The following LIPC variants were observed in gnomAD, a reference collection of about 807,000 sequenced individuals.
LIPC encodes hepatic triacylglycerol lipase.
In LIPC, 44 loss-of-function variants were observed where a neutral mutation model predicts 50.7. The observed-to-expected ratio is 0.87, with a 90% CI of 0.68 to 1.11. The LOEUF is 1.11. Ranked by LOEUF, LIPC falls within the 50% of genes most tolerant of loss-of-function variation. LIPC has a pLI of 0.00. For synonymous variants in LIPC, 271 were observed against 256.4 expected (o/e 1.06, Z -0.54); for missense variants, 697 against 648.2 (o/e 1.08, Z -0.82).
At chr15:58,498,531 C>T (rs182997890) in intron 1 of LIPC, 1 of 152,062 alleles carries the variant, frequency 6.6e-6, no homozygotes, top group Non-Finnish European at 1.5e-5. Flanking sequence ...AAACAGGGTG[C>T]AGTATATCCC....
intron 1 of LIPC, among the ~76,000 whole-genome samples, chr15:58,489,064 C>G (rs1029583520): frequency 1.9e-4 from 29 of 151,994 alleles, no homozygotes; most frequent in Non-Finnish European, 3.8e-4. Context: ...TCTGGGCCGC[C>G]TTCTACTTCA....
chr15:58,526,705 TATGTTGGG>T (rs1283557952), intron 1 of LIPC, among the ~76,000 whole-genome samples: 3 of 152,212 alleles, frequency 2.0e-5, no homozygotes, highest in African/African-American at 7.2e-5. Flanking sequence ...TGGAAGGAAC[TATGTTGGG>T]TTGAGACATG....
At chr15:58,500,075 T>G (rs1891926855) in intron 1 of LIPC, among the ~76,000 whole-genome samples, 1 of 151,654 alleles carries the variant, frequency 6.6e-6, no homozygotes, top group Non-Finnish European at 1.5e-5. Context: ...CGGGGCAGAG[T>G]CTGATTCCAA....
chr15:58,554,354 G>A (rs913501501), intron 6 of LIPC, among the ~76,000 whole-genome samples: 2 of 152,124 alleles, frequency 1.3e-5, no homozygotes, highest in African/African-American at 2.4e-5. Flanking sequence ...GCCAGAACTT[G>A]GGAGTATGTT....
At chr15:58,432,623 T>G (rs1055345207) in intron 1 of LIPC, among the ~76,000 whole-genome samples, 1 of 152,214 alleles carries the variant, frequency 6.6e-6, no homozygotes, top group African/African-American at 2.4e-5. Flanking sequence ...TTTGTTTTGC[T>G]GCCAAAATTT....
chr15:58,538,457 G>A lies in LIPC; in HGVS notation c.213G>A (p.Thr71=), dbSNP rs113174258. 4.5e-4 allele frequency: 722 copies of A among 1,614,142 alleles called. 6 individuals are homozygous for A. The African/African-American group carries it at 7.7e-3, about 17-fold the overall frequency. Residue 71 remains threonine (T), a synonymous_variant, in exon 2 of 9, where the codon ACG becomes ACA. Coordinates refer to ENST00000299022, the MANE Select transcript of LIPC (RefSeq NM_000236.3). ...GCQIRINHPD[T]LQECGFNSSL... ...AGATTCGAATCAATCATCCGGACACGTTACAGGAGTGCGGCTTCAACTCCT... is the reference window on the plus strand; with the variant it reads ...AGATTCGAATCAATCATCCGGACACATTACAGGAGTGCGGCTTCAACTCCT...
At chr15:58,472,010 C>A (rs1890825951) in intron 1 of LIPC, among the ~76,000 whole-genome samples, 1 of 152,168 alleles carries the variant, frequency 6.6e-6, no homozygotes, top group South Asian at 2.1e-4. Flanking sequence ...TGGCTCATGC[C>A]TGTAATCCCA....
chr15:58,474,513 G>T (rs1890918018), intron 1 of LIPC, among the ~76,000 whole-genome samples: 1 of 130,792 alleles, frequency 7.6e-6, no homozygotes, highest in Non-Finnish European at 1.6e-5. Context: ...CCTGTCTCAG[G>T]AAAAAAAAAA....
intron 7 of LIPC, among the ~76,000 whole-genome samples, chr15:58,561,234 A>T (rs939090105): frequency 5.9e-5 from 9 of 152,330 alleles, no homozygotes; most frequent in Admixed American, 5.2e-4. Context: ...GGTTTTATAC[A>T]TTATAGGAAG....
intron 1 of LIPC, among the ~76,000 whole-genome samples, chr15:58,501,136 C>T (rs116222359): frequency 0.012 from 1,835 of 152,154 alleles, 41 homozygotes; most frequent in African/African-American, 0.041. Context: ...CCTTAAAATG[C>T]CTCCTGTGCA....
intron 1 of LIPC, among the ~76,000 whole-genome samples, chr15:58,485,510 G>A (rs371137405): frequency 2.0e-4 from 26 of 131,836 alleles, no homozygotes; most frequent in African/African-American, 6.9e-4. Flanking sequence ...CCAGACCCTC[G>A]CACGTGCTGA....
chr15:58,538,417 C>A lies in LIPC; in HGVS notation c.173C>A (p.Thr58Asn), dbSNP rs765770186. 3.1e-6 allele frequency: 5 copies of A among 1,614,154 alleles called. No individual in the cohort carries two copies. Among genetic ancestry groups the A allele is most frequent in the South Asian group, 1.1e-5 (1 of 91,082 alleles). ...ACCAGATTCCTGCTCTTTGGAGAAA[C>A]CAATCAGGGCTGTCAGATTCGAATC... ...MKTRFLLFGE[T>N]NQGCQIRINH... Residue 58 changes from threonine to asparagine, a missense_variant, in exon 2 of 9, where the codon ACC (threonine) becomes AAC (asparagine). Thr to Asn is a moderately conservative substitution (Grantham distance 65). Coordinates refer to ENST00000299022, the MANE Select transcript of LIPC (RefSeq NM_000236.3).
chr15:58,484,424 G>A (rs1275773101), intron 1 of LIPC, among the ~76,000 whole-genome samples: 3 of 152,216 alleles, frequency 2.0e-5, no homozygotes, highest in African/African-American at 7.2e-5. Flanking sequence ...TCCAGGATAT[G>A]AGCAAAATGC....
intron 1 of LIPC, among the ~76,000 whole-genome samples, chr15:58,441,451 A>G (rs1893505845): frequency 6.6e-6 from 1 of 152,204 alleles, no homozygotes; most frequent in South Asian, 2.1e-4. Context: ...CCTGCATTAT[A>G]TGACTTGATT....
chr15:58,439,637 T>G (rs1893436531), intron 1 of LIPC, among the ~76,000 whole-genome samples: 1 of 152,008 alleles, frequency 6.6e-6, no homozygotes, highest in East Asian at 1.9e-4. Flanking sequence ...AGAGATGGGG[T>G]TTCACCATGT....
intron 1 of LIPC, among the ~76,000 whole-genome samples, chr15:58,502,626 C>T (rs993343591): frequency 1.8e-4 from 28 of 151,834 alleles, no homozygotes; most frequent in African/African-American, 6.1e-4. Context: ...AACATTATTC[C>T]TATTGGGTTA....
At chr15:58,458,571 C>T (rs1449272546) in intron 1 of LIPC, among the ~76,000 whole-genome samples, 1 of 152,206 alleles carries the variant, frequency 6.6e-6, no homozygotes. Flanking sequence ...CCCTTCCCAC[C>T]TCTAACCTTT....
chr15:58,491,803 A>T (rs756024161), intron 1 of LIPC, among the ~76,000 whole-genome samples: 5 of 152,184 alleles, frequency 3.3e-5, no homozygotes, highest in Non-Finnish European at 7.4e-5. Context: ...CTGACCTAAG[A>T]GGGCTGGGGT....
intron 1 of LIPC, among the ~76,000 whole-genome samples, chr15:58,468,224 T>C (rs1483010571): frequency 6.6e-6 from 1 of 152,202 alleles, no homozygotes; most frequent in Non-Finnish European, 1.5e-5. Context: ...ATCATGGACC[T>C]GAACCCAGGT....
Sources: gnomAD v4.1 joint callset for allele counts (sites outside exome capture counted in the v4.1 genomes callset) on GRCh38, gnomAD v4.1.1 for gene constraint, MANE v1.5 for transcripts, NCBI Gene and HGNC (gene_info 2026-07-23, HGNC 2026-07-21) for gene names.